Variants in HNRNPU observed in about 807,000 individuals in gnomAD.
The protein encoded by HNRNPU is heterogeneous nuclear ribonucleoprotein U.
Under a neutral mutation model 94.7 loss-of-function variants are expected in HNRNPU, and 5 were observed. The ratio of observed to expected loss-of-function variants is 0.05; its 90% CI spans 0.03 to 0.11. The LOEUF is 0.11. HNRNPU is among the 10% of genes least tolerant of loss of function. The pLI, the probability that HNRNPU is intolerant of heterozygous loss-of-function variation, is 1.00. For missense variants in HNRNPU, 710 were observed against 1,049.2 expected (o/e 0.68, Z 4.47); for synonymous variants, 434 against 381.6 (o/e 1.14, Z -1.60).
chr1:244,854,822 G>A, intron 13 of HNRNPU, 151 bp downstream of exon 13: 1 of 606,612 alleles, frequency 1.6e-6, no homozygotes, highest in Non-Finnish European at 2.8e-6. Context: ...TCAAAAGGTA[G>A]ATTATGGCTA....
intron 1 of HNRNPU, among the ~76,000 whole-genome samples, chr1:244,863,265 C>G (rs1397297835): frequency 6.7e-6 from 1 of 149,938 alleles, no homozygotes; most frequent in Non-Finnish European, 1.5e-5. Context: ...ACCGCGCGCA[C>G]GCAGCGCGAC....
chr1:244,858,279 T>TA lies in HNRNPU; in HGVS notation c.1231-6dup. ...TACTTCATCACTTTCAAAGTTCTGT[T>TA]ACACAGAAAAAAATTCAACAGTTAA... On this transcript the variant is annotated splice_region_variant and splice_polypyrimidine_tract_variant and intron_variant, in intron 6 of 13. Coordinates refer to ENST00000640218, the MANE Select transcript of HNRNPU (RefSeq NM_031844.3). The TA allele has an allele frequency of 6.2e-7, 1 of 1,605,724 alleles. No homozygotes were observed. Among genetic ancestry groups the TA allele is most frequent in the Non-Finnish European group, 8.5e-7 (1 of 1,176,468 alleles).
chr1:244,862,796 G>T, intron 1 of HNRNPU, 66 bp from the exon 2 acceptor site: 2 of 1,143,734 alleles, frequency 1.7e-6, no homozygotes, highest in Non-Finnish European at 2.6e-6. Context: ...TTTCCGTTCC[G>T]AGAACCAAAG....
At position 244,863,813 on chromosome 1, in the gene HNRNPU, C is replaced by T. The variant is rs1230496425; in HGVS notation, c.495G>A (p.Pro165=). ...GGGGCTGTTGCTGCTGCGTCGCCGG[C>T]GGTTGAGGCTGCTGCTCCCCGTGCC... is the stretch of plus-strand genomic sequence containing the variant. ...ENGHGEQQPQ[P]PATQQQQPQQ... Residue 165 remains proline (P), a synonymous_variant, in exon 1 of 14, where the codon CCG becomes CCA. Coordinates refer to ENST00000640218, the MANE Select transcript of HNRNPU (RefSeq NM_031844.3). 4.4e-6 allele frequency: 7 copies of T among 1,607,728 alleles called. No homozygotes were observed. The highest frequency in any genetic ancestry group is 1.3e-5 in the African/African-American group (1 of 74,834).
rs1419102310 is a variant in HNRNPU at position 244,863,100 on chromosome 1, T to C, written c.692-370A>G. On this transcript the variant is annotated intron_variant, in intron 1 of 13. Transcript: ENST00000640218. ...CCCCGCGGCCGCATTGTACTGATCT[T>C]CCGCCCCCCGCCCCGCCCCGCCCGG... 6 of 193,872 alleles carry C rather than the reference T, an allele frequency of 3.1e-5. No individual in the cohort carries two copies. The Admixed American group carries it at 3.1e-4, about 10-fold the overall frequency. The allele number at this position is 193,872 out of a possible 1,614,324, so 12.0% of individuals were successfully genotyped here.
chr1:244,854,612 T>C, intron 13 of HNRNPU, 109 bp from the exon 14 acceptor site: 2 of 765,366 alleles, frequency 2.6e-6, no homozygotes. Context: ...GAAACAAATT[T>C]ATACCTGTCA....
chr1:244,857,009 A>C (rs1463549871), intron 8 of HNRNPU, 153 bp from the exon 9 acceptor site: 8 of 634,820 alleles, frequency 1.3e-5, no homozygotes, highest in Middle Eastern at 8.0e-4. Context: ...AGGGTCACTT[A>C]AACTATGTAA....
chr1:244,855,540 T>G lies in HNRNPU; in HGVS notation c.2236A>C (p.Ser746Arg). The change falls in exon 12 of 14, where the codon AGT becomes CGT. Residue 746 changes from serine to arginine, a missense_variant. Ser to Arg is a moderately radical substitution (Grantham distance 110, BLOSUM62 -1). Coordinates refer to ENST00000640218, the MANE Select transcript of HNRNPU (RefSeq NM_031844.3). ...GGGTATGGATAGCCGATTCCACCAC[T>G]TCCTCCACCGCCACCACCTCTCTGT... is the stretch of plus-strand genomic sequence containing the variant. ...MPQRGGGGGGSGGIGYPYPRA... is the reference protein window; with the variant it reads ...MPQRGGGGGGRGGIGYPYPRA... 1 of 1,614,018 alleles carries G rather than the reference T, an allele frequency of 6.2e-7. No homozygotes were observed. Among genetic ancestry groups the G allele is most frequent in the Non-Finnish European group, 8.5e-7 (1 of 1,179,924 alleles).
chr1:244,858,925 CAAGAGAAAT>C, intron 5 of HNRNPU, 84 bp from the exon 6 acceptor site: 1 of 687,296 alleles, frequency 1.5e-6, no homozygotes, highest in Admixed American at 2.7e-5. Flanking sequence ...ATGTAGGCTA[CAAGAGAAAT>C]AAGCATATAA....
Position 244,856,892 on chromosome 1 carries a change from T to G in HNRNPU, c.1615-36A>C, listed in dbSNP as rs544599456. 4.7e-5 allele frequency: 73 copies of G among 1,545,840 alleles called. No individual in the cohort carries two copies. In the East Asian group the frequency reaches 1.6e-3, roughly 34 times the overall value. ...AAGTTAAAATTTCCCCTTGAACTTG[T>G]GAATTTTAATAAGTTATGCTTTTTA... On this transcript the variant is annotated intron_variant, in intron 8 of 13. Coordinates refer to ENST00000640218, the MANE Select transcript of HNRNPU (RefSeq NM_031844.3).
At chr1:244,858,353 C>T (rs1680734938) in intron 6 of HNRNPU, 79 bp from the exon 7 acceptor site, 1 of 1,335,438 alleles carries the variant, frequency 7.5e-7, no homozygotes, top group South Asian at 1.4e-5. Context: ...AAATTAGGAG[C>T]AAAGCTTATC....
chr1:244,860,292 C>A (rs756482734), intron 4 of HNRNPU, 43 bp downstream of exon 4: 1 of 1,571,268 alleles, frequency 6.4e-7, no homozygotes, highest in Non-Finnish European at 8.7e-7. Flanking sequence ...CAGAGTGAGA[C>A]TGTCTCCACA....
chr1:244,862,420 ATC>A, intron 3 of HNRNPU, 39 bp downstream of exon 3: 2 of 1,218,060 alleles, frequency 1.6e-6, no homozygotes, highest in Non-Finnish European at 2.3e-6. Flanking sequence ...AAAAACCACC[ATC>A]ACCGCATTTC....
At position 244,852,010 on chromosome 1, in the gene HNRNPU, TCA is replaced by T. The variant is rs952448192; in HGVS notation, c.*2438_*2439del. 11 of 152,224 alleles carry T rather than the reference TCA, an allele frequency of 7.2e-5. No individual in the cohort carries two copies. Among genetic ancestry groups the T allele is most frequent in the African/African-American group, 1.7e-4 (7 of 41,458 alleles). 9.4% of individuals were successfully genotyped at this position (152,224 alleles called of 1,614,324 possible). A position where few individuals can be genotyped will look rare whatever the true frequency, so the allele number is the denominator to read the frequency against. On this transcript the variant is annotated 3_prime_UTR_variant, in exon 14 of 14. Transcript: ENST00000640218. ...AGCACCCTTCAAATCAACAGCAATC[TCA>T]CAGTGAGTTTCCTCTGGGTAGTCAG...
At position 244,855,420 on chromosome 1, in the gene HNRNPU, T is replaced by C; in HGVS notation, c.2352+4A>G. 1 of 1,612,250 alleles carries C rather than the reference T, an allele frequency of 6.2e-7. No homozygotes were observed. The highest frequency in any genetic ancestry group is 1.3e-5 in the African/African-American group (1 of 74,996). On this transcript the variant is annotated splice_donor_region_variant and intron_variant, in intron 12 of 13. Transcript: ENST00000640218. ...TCATGCTTCCAGGGATCTTGAATCA[T>C]TACCTGGTTGTAGTTCCCTCTGTTG... is the stretch of plus-strand genomic sequence containing the variant.
rs1680614561 is a variant in HNRNPU at position 244,854,039 on chromosome 1, G to A, written c.*411C>T. 2 of 214,138 alleles carry A rather than the reference G, an allele frequency of 9.3e-6. No individual in the cohort carries two copies. The highest frequency in any genetic ancestry group is 2.4e-5 in the African/African-American group (1 of 41,704). 13.3% of individuals were successfully genotyped at this position (214,138 alleles called of 1,614,324 possible). A position where few individuals can be genotyped will look rare whatever the true frequency, so the allele number is the denominator to read the frequency against. ...ACCACTTAGTCCTTACATGAATCTGGTTGCTAACATTTCTATTATATTGTG... is the reference window on the plus strand; with the variant it reads ...ACCACTTAGTCCTTACATGAATCTGATTGCTAACATTTCTATTATATTGTG... On this transcript the variant is annotated 3_prime_UTR_variant, in exon 14 of 14. Transcript: ENST00000640218.
intron 1 of HNRNPU, chr1:244,863,215 G>A: frequency 5.8e-6 from 1 of 173,848 alleles, no homozygotes; most frequent in Non-Finnish European, 1.2e-5. Context: ...CCCGCCCCGG[G>A]ACCTGGGGCC....
intron 3 of HNRNPU, 47 bp downstream of exon 3, chr1:244,862,414 A>AAAAACAC: frequency 7.7e-7 from 1 of 1,298,126 alleles, no homozygotes; most frequent in Non-Finnish European, 1.1e-6. Flanking sequence ...AAAAAAAAAA[A>AAAAACAC]CCACCATCAC....
In HNRNPU at chr1:244,863,561, C is replaced by G. The variant is rs1228861934; in HGVS notation, c.691+56G>C. On this transcript the variant is annotated intron_variant, in intron 1 of 13. Transcript: ENST00000640218. ...GCGGGGCTCCGGCAGGCCTGGGGCA[C>G]GGTCCCCACCCCGCGCGGGCCTCCC... The G allele has an allele frequency of 4.5e-6, 6 of 1,321,806 alleles. No homozygotes were observed. The East Asian group carries it at 1.9e-4, about 41-fold the overall frequency. The allele number at this position is 1,321,806 out of a possible 1,614,324, so 81.9% of individuals were successfully genotyped here. A position where few individuals can be genotyped will look rare whatever the true frequency, so the allele number is the denominator to read the frequency against.
Sources: gnomAD v4.1 joint callset for allele counts (sites outside exome capture counted in the v4.1 genomes callset) on GRCh38, gnomAD v4.1.1 for gene constraint, MANE v1.5 for transcripts, NCBI Gene and HGNC (gene_info 2026-07-23, HGNC 2026-07-21) for gene names.